Variants in GSN observed in about 807,000 individuals in gnomAD.
GSN encodes the protein actin-depolymerizing factor.
A neutral mutation model predicts 85.7 loss-of-function variants in GSN; 56 were observed. The ratio of observed to expected loss-of-function variants is 0.65; its 90% CI spans 0.53 to 0.82. The LOEUF is 0.82. Ranked by LOEUF, GSN falls within the 40% of genes least tolerant of loss-of-function variation. The pLI is 0.00. For synonymous variants in GSN, 373 were observed against 399.1 expected (o/e 0.93, Z 0.78); for missense variants, 857 against 979.8 (o/e 0.87, Z 1.67).
intron 1 of GSN, among the ~76,000 whole-genome samples, chr9:121,271,214 C>T (rs529231639): frequency 1.1e-4 from 16 of 152,260 alleles, no homozygotes; most frequent in African/African-American, 3.4e-4. Context: ...ACTGAAAATA[C>T]GTGCTGGGAT....
chr9:121,313,594 G>A (rs113912407), intron 6 of GSN: 6 of 371,574 alleles, frequency 1.6e-5, no homozygotes, highest in African/African-American at 8.3e-5. Flanking sequence ...GCCTGGCTGC[G>A]AGGATGCAGT....
At chr9:121,217,698 T>C (rs1285648019) in intron 4 of GSN, among the ~76,000 whole-genome samples, 1 of 151,792 alleles carries the variant, frequency 6.6e-6, no homozygotes, top group African/African-American at 2.4e-5. Context: ...TTCAATTCAA[T>C]TGGGATGTGG....
chr9:121,227,392 T>TA (rs879564129), intron 4 of GSN, among the ~76,000 whole-genome samples: 129 of 141,066 alleles, frequency 9.1e-4, no homozygotes, highest in East Asian at 5.5e-3. Flanking sequence ...AGACTCCATC[T>TA]AAAAAAAAAA....
chr9:121,263,609 G>A (rs1288097130), upstream of GSN, among the ~76,000 whole-genome samples: 10 of 152,074 alleles, frequency 6.6e-5, no homozygotes, highest in South Asian at 4.1e-4. Context: ...ATCAGGTCTC[G>A]GCTGGGCAAG....
At position 121,324,647 on chromosome 9, in the gene GSN, G is replaced by A. The variant is rs780711226; in HGVS notation, c.1416+3G>A. On this transcript the variant is annotated splice_donor_region_variant and intron_variant, in intron 12 of 17. Coordinates refer to ENST00000432226, the MANE Select transcript of GSN (RefSeq NM_198252.3). Reference sequence around the variant, plus strand: ...AGCTGGGAGGTACCCCTGTCCAGGTGAGCCCAGCCCACCGCCTCTCTGGGC... The same window carrying A: ...AGCTGGGAGGTACCCCTGTCCAGGTAAGCCCAGCCCACCGCCTCTCTGGGC... 18 of 1,477,844 alleles carry A rather than the reference G, an allele frequency of 1.2e-5. No homozygotes were observed. Among genetic ancestry groups the A allele is most frequent in the Non-Finnish European group, 1.7e-5 (18 of 1,083,396 alleles). The allele number at this position is 1,477,844 out of a possible 1,614,324, so 91.5% of individuals were successfully genotyped here.
chr9:121,260,428 T>C (rs868198061), intron 6 of GSN, among the ~76,000 whole-genome samples: 1 of 152,264 alleles, frequency 6.6e-6, no homozygotes, highest in East Asian at 1.9e-4. Flanking sequence ...GACATTCTTA[T>C]AAATTCCAGA....
intron 1 of GSN, among the ~76,000 whole-genome samples, chr9:121,209,048 A>C (rs549024052): frequency 2.0e-5 from 3 of 152,394 alleles, no homozygotes; most frequent in African/African-American, 7.2e-5. Context: ...TGAGATATCA[A>C]CAAAAAGATG....
chr9:121,264,512 C>T (rs2055158047), upstream of GSN, among the ~76,000 whole-genome samples: 1 of 152,188 alleles, frequency 6.6e-6, no homozygotes, highest in South Asian at 2.1e-4. Context: ...ACACTAAACA[C>T]ACTAAATCAG....
the GSN span, chr9:121,202,016 A>C: frequency 6.6e-6 from 1 of 152,076 alleles, no homozygotes; most frequent in Non-Finnish European, 1.5e-5. Flanking sequence ...CTCAGCCCTC[A>C]CCTCTGGACT....
At chr9:121,274,176 T>G (rs1355112531) in intron 1 of GSN, among the ~76,000 whole-genome samples, 3 of 152,218 alleles carry the variant, frequency 2.0e-5, no homozygotes, top group East Asian at 3.8e-4. Context: ...ATATAGACAT[T>G]AAAAGATCTG....
In GSN at chr9:121,299,293, C is replaced by T; in HGVS notation, c.-9-2670C>T. 1 of 985,260 alleles carries T rather than the reference C, an allele frequency of 1.0e-6. No individual in the cohort carries two copies. The highest frequency in any genetic ancestry group is 4.7e-5 in the South Asian group (1 of 21,276). The allele number at this position is 985,260 out of a possible 1,614,324, so 61.0% of individuals were successfully genotyped here. A position where few individuals can be genotyped will look rare whatever the true frequency, so the allele number is the denominator to read the frequency against. On this transcript the variant is annotated intron_variant, in intron 2 of 17. Transcript: ENST00000432226. This position sits in a 1 kb window ranked among gnomAD's most constrained non-coding sequence, Gnocchi z 4.2. ...CACGGGAGCCGGGTCCCCTGCCCTG[C>T]TGCGGCGCATGCTGCCTGGTGGGGG...
At chr9:121,277,689 GTTC>G (rs1382218624) in intron 1 of GSN, among the ~76,000 whole-genome samples, 1 of 145,040 alleles carries the variant, frequency 6.9e-6, no homozygotes, top group Non-Finnish European at 1.5e-5. Flanking sequence ...AGCAAAGTAG[GTTC>G]TTCTTTAGGA....
At chr9:121,290,390 G>A (rs1041883828) in intron 2 of GSN, among the ~76,000 whole-genome samples, 1 of 152,068 alleles carries the variant, frequency 6.6e-6, no homozygotes, top group Non-Finnish European at 1.5e-5. Context: ...CCTCTGTTTG[G>A]GTTAAAGGAG....
chr9:121,276,854 A>G (rs915140100), intron 1 of GSN, among the ~76,000 whole-genome samples: 1 of 152,056 alleles, frequency 6.6e-6, no homozygotes, highest in Non-Finnish European at 1.5e-5. Context: ...TGACGAGTTA[A>G]TGAGTGCAGC....
chr9:121,215,181 T>C (rs1588407847), intron 4 of GSN, among the ~76,000 whole-genome samples: 1 of 144,326 alleles, frequency 6.9e-6, no homozygotes, highest in Non-Finnish European at 1.5e-5. Flanking sequence ...TCTTCTCCTC[T>C]TCTTCTAAGG....
chr9:121,256,140 A>G (rs1197081584), intron 6 of GSN, among the ~76,000 whole-genome samples: 2 of 152,178 alleles, frequency 1.3e-5, no homozygotes, highest in Non-Finnish European at 2.9e-5. Context: ...TAAGAAATCA[A>G]GAGCTCACCA....
At position 121,299,370 on chromosome 9, in the gene GSN, C is replaced by A; in HGVS notation, c.-9-2593C>A. 1.0e-6 allele frequency: 1 copy of A among 974,658 alleles called. No individual in the cohort carries two copies. Among genetic ancestry groups the A allele is most frequent in the Non-Finnish European group, 1.2e-6 (1 of 820,094 alleles). The allele number at this position is 974,658 out of a possible 1,614,324, so 60.4% of individuals were successfully genotyped here. On this transcript the variant is annotated intron_variant, in intron 2 of 17. Coordinates refer to ENST00000432226, the MANE Select transcript of GSN (RefSeq NM_198252.3). The surrounding 1 kb of genome is among the most constrained non-coding windows in gnomAD (Gnocchi z 4.2). ...GTTCAAATCCCGGCAGCACCATTTA[C>A]AAGCTGTGTGCAAGTTGCTTCACCA...
chr9:121,226,990 C>T (rs1588434133), intron 4 of GSN, among the ~76,000 whole-genome samples: 4 of 152,318 alleles, frequency 2.6e-5, no homozygotes, highest in South Asian at 2.1e-4. Flanking sequence ...GGAGGTGGTG[C>T]ACCCCAACTC....
In GSN at chr9:121,332,339, C is replaced by G; in HGVS notation, c.2027-95C>G. ...TAGGGACAGTAGGACCATAGACCCTCTTCTTTGTCAACTCCTGTCCTGAGT... is the reference window on the plus strand; with the variant it reads ...TAGGGACAGTAGGACCATAGACCCTGTTCTTTGTCAACTCCTGTCCTGAGT... On this transcript the variant is annotated intron_variant, in intron 17 of 17. Transcript: ENST00000432226. The surrounding 1 kb of genome is among the most constrained non-coding windows in gnomAD (Gnocchi z 4.8). 8.8e-7 allele frequency: 1 copy of G among 1,135,674 alleles called. No homozygotes were observed. Among genetic ancestry groups the G allele is most frequent in the Admixed American group, 1.7e-5 (1 of 59,386 alleles). The allele number at this position is 1,135,674 out of a possible 1,614,324, so 70.3% of individuals were successfully genotyped here.
Sources: allele counts gnomAD v4.1 joint callset (sites outside exome capture counted in the v4.1 genomes callset), GRCh38; gene constraint gnomAD v4.1.1; non-coding constraint Gnocchi (gnomAD v3.1); transcripts MANE v1.5; gene names NCBI Gene and HGNC (gene_info 2026-07-23, HGNC 2026-07-21).